CADPS: variants seen among roughly 807,000 people sequenced by gnomAD.
The protein encoded by CADPS is calcium-dependent secretion activator 1.
In CADPS, 57 loss-of-function variants were observed where a neutral mutation model predicts 167.3. The ratio of observed to expected loss-of-function variants is 0.34; its 90% CI spans 0.28 to 0.42. The LOEUF (loss-of-function observed/expected upper bound fraction) is 0.42, where lower values mean the gene tolerates loss of function less well. Among genes scored for constraint, CADPS ranks in the 20% least tolerant of loss-of-function variants. CADPS has a pLI of 1.00. For synonymous variants in CADPS, 676 were observed against 635.3 expected, an observed-to-expected ratio of 1.06 and a Z score of -0.96; for missense variants, 1,414 against 1,738.1, an observed-to-expected ratio of 0.81 and a Z score of 3.32.
chr3:62,832,176 C>A (rs1159651870), intron 1 of CADPS, among the ~76,000 whole-genome samples: 3 of 152,174 alleles, frequency 2.0e-5, no homozygotes, highest in African/African-American at 7.2e-5. Flanking sequence ...TTTGTCAGGG[C>A]TGGTGTTTCT....
chr3:62,715,745 T>C (rs2084397978), intron 3 of CADPS, among the ~76,000 whole-genome samples: 1 of 138,266 alleles, frequency 7.2e-6, no homozygotes, highest in South Asian at 2.3e-4. Context: ...TTTATAATGA[T>C]TATAAATCTT....
At chr3:62,827,706 C>T (rs928359785) in intron 1 of CADPS, among the ~76,000 whole-genome samples, 5 of 152,082 alleles carry the variant, frequency 3.3e-5, no homozygotes, top group African/African-American at 1.2e-4. Context: ...GAACCAGAAG[C>T]CCTTAATGAA....
At chr3:62,409,011 T>C (rs1442423222) in intron 28 of CADPS, among the ~76,000 whole-genome samples, 1 of 152,246 alleles carries the variant, frequency 6.6e-6, no homozygotes, top group Non-Finnish European at 1.5e-5. Flanking sequence ...TGCCTACTCA[T>C]TGAACATGGA....
At chr3:62,570,981 T>A in intron 8 of CADPS, 43 bp from the exon 9 acceptor site, 1 of 1,237,930 alleles carries the variant, frequency 8.1e-7, no homozygotes, top group Non-Finnish European at 1.2e-6. Flanking sequence ...AATGCTTGAG[T>A]GAGTGAATTG....
At chr3:62,842,079 A>G (rs2076723240) in intron 1 of CADPS, among the ~76,000 whole-genome samples, 1 of 152,202 alleles carries the variant, frequency 6.6e-6, no homozygotes, top group Non-Finnish European at 1.5e-5. Flanking sequence ...GAAATAAACC[A>G]AGATATTTGG....
At chr3:62,647,123 T>C (rs1270702265) in intron 5 of CADPS, among the ~76,000 whole-genome samples, 1 of 152,088 alleles carries the variant, frequency 6.6e-6, no homozygotes. Flanking sequence ...AACAAATGAC[T>C]CACATCAGAG....
chr3:62,407,511 G>A (rs949201695), intron 28 of CADPS, among the ~76,000 whole-genome samples: 1 of 152,126 alleles, frequency 6.6e-6, no homozygotes, highest in Non-Finnish European at 1.5e-5. Context: ...CCTTACACTG[G>A]CTACTTATTA....
intron 3 of CADPS, among the ~76,000 whole-genome samples, chr3:62,710,280 G>T (rs1015513783): frequency 1.3e-5 from 2 of 151,840 alleles, no homozygotes; most frequent in Non-Finnish European, 2.9e-5. Context: ...CAACTGGGGT[G>T]GGGGAGGGGC....
rs751175386 is a variant in CADPS at position 62,602,429 on chromosome 3, G to C, written c.1326-9681C>G. 2.0e-5 allele frequency among the ~76,000 whole-genome samples: 3 copies of C among 152,144 alleles called. No homozygotes were observed. Among genetic ancestry groups the C allele is most frequent in the Non-Finnish European group, 4.4e-5 (3 of 68,022 alleles). On this transcript the variant is annotated intron_variant, in intron 6 of 29. Coordinates refer to ENST00000383710, the MANE Select transcript of CADPS (RefSeq NM_003716.4). The surrounding 1 kb of genome is among the most constrained non-coding windows in gnomAD (Gnocchi z 4.4). ...AAATTAACTGTGGGCTTTAACAAGA[G>C]AGAAGTGTCATTTCAAGGAATGAAA...
chr3:62,461,111 T>C (rs1020574801), intron 26 of CADPS, among the ~76,000 whole-genome samples: 2 of 152,126 alleles, frequency 1.3e-5, no homozygotes, highest in Admixed American at 1.3e-4. Context: ...GGGGGGAGCT[T>C]AACCTTTCCA....
intron 28 of CADPS, among the ~76,000 whole-genome samples, chr3:62,425,202 T>C: frequency 6.6e-6 from 1 of 152,224 alleles, no homozygotes; most frequent in East Asian, 1.9e-4. Flanking sequence ...GTATCTTTTA[T>C]CCTTAGAGTC....
At chr3:62,564,078 T>G (rs1487148356) in intron 9 of CADPS, among the ~76,000 whole-genome samples, 2 of 152,014 alleles carry the variant, frequency 1.3e-5, no homozygotes, top group Non-Finnish European at 2.9e-5. Context: ...CTCGGCTCAC[T>G]GCAAACTCCA....
chr3:62,555,414 AG>A (rs964753094), intron 10 of CADPS, among the ~76,000 whole-genome samples: 121 of 152,372 alleles, frequency 7.9e-4, no homozygotes, highest in African/African-American at 2.8e-3. Flanking sequence ...TAACAACCAT[AG>A]CTTTGCTATA....
rs1002222090 is a variant in CADPS, at chr3:62,601,843, C to A, written c.1326-9095G>T. The stretch of plus-strand genomic sequence containing the variant: ...AGTACCACCACTTTGAAAGTGAACA[C>A]TTTGATCTGGGGGAGAAAATGAGGG... On this transcript the variant is annotated intron_variant, in intron 6 of 29. Coordinates refer to ENST00000383710, the MANE Select transcript of CADPS (RefSeq NM_003716.4). This position sits in a 1 kb window ranked among gnomAD's most constrained non-coding sequence, Gnocchi z 4.3. 5.9e-5 allele frequency among the ~76,000 whole-genome samples: 9 copies of A among 152,192 alleles called. No individual in the cohort carries two copies. Among genetic ancestry groups the A allele is most frequent in the Non-Finnish European group, 1.3e-4 (9 of 68,042 alleles).
chr3:62,707,972 C>T (rs2082638920), intron 3 of CADPS, among the ~76,000 whole-genome samples: 1 of 152,046 alleles, frequency 6.6e-6, no homozygotes, highest in South Asian at 2.1e-4. Flanking sequence ...ATTGTCCAGA[C>T]TGGAGTGCAG....
At chr3:62,513,738 T>G in intron 16 of CADPS, 1 of 1,454,410 alleles carries the variant, frequency 6.9e-7, no homozygotes, top group Non-Finnish European at 9.5e-7. Flanking sequence ...TGCAAGAGGC[T>G]TAGGTCAGAG....
rs1221674539 is a variant in CADPS at position 62,399,505 on chromosome 3, A to G, written c.3963T>C (p.Arg1321=). 1.2e-6 allele frequency: 2 copies of G among 1,613,944 alleles called. No individual in the cohort carries two copies. The highest frequency in any genetic ancestry group is 2.7e-5 in the African/African-American group (2 of 74,900). Residue 1321 remains arginine, a synonymous_variant, in exon 30 of 30, where the codon CGT becomes CGC. Coordinates refer to ENST00000383710, the MANE Select transcript of CADPS (RefSeq NM_003716.4). This position sits in a 1 kb window ranked among gnomAD's most constrained non-coding sequence, Gnocchi z 5.6. ...ATGCTGTGGCTTCCTCCACAGTGAG[A>G]CGGTTCCGGATCGTTTCATAGGTCT... ...NSKTYETIRN[R]LTVEEATASV...
Position 62,438,287 on chromosome 3 carries a change from T to C in CADPS, c.3670-76A>G, listed in dbSNP as rs2055568108. 4.7e-6 allele frequency: 5 copies of C among 1,068,004 alleles called. No homozygotes were observed. Among genetic ancestry groups the C allele is most frequent in the Non-Finnish European group, 5.7e-6 (4 of 697,296 alleles). 66.2% of individuals were successfully genotyped at this position (1,068,004 alleles called of 1,614,324 possible). A position where few individuals can be genotyped will look rare whatever the true frequency, so the allele number is the denominator to read the frequency against. ...CCTTGTTTACCATTCACTTGTACCC[T>C]CTACTTGCCCTCACACACCCTGAGA... On this transcript the variant is annotated intron_variant, in intron 27 of 29. Coordinates refer to ENST00000383710, the MANE Select transcript of CADPS (RefSeq NM_003716.4). The surrounding 1 kb of genome is among the most constrained non-coding windows in gnomAD (Gnocchi z 4.7).
chr3:62,791,239 C>T (rs911877279), intron 1 of CADPS, among the ~76,000 whole-genome samples: 2 of 152,152 alleles, frequency 1.3e-5, no homozygotes, highest in Non-Finnish European at 2.9e-5. Flanking sequence ...TGCTCTATAT[C>T]TGCACTGTAC....
Sources: allele counts gnomAD v4.1 joint callset (sites outside exome capture counted in the v4.1 genomes callset), GRCh38; gene constraint gnomAD v4.1.1; non-coding constraint Gnocchi (gnomAD v3.1); transcripts MANE v1.5; gene names NCBI Gene and HGNC (gene_info 2026-07-23, HGNC 2026-07-21).